CD6: variants seen among roughly 807,000 people sequenced by gnomAD.
CD6 encodes the protein CD6 molecule.
Under a neutral mutation model 75.3 loss-of-function variants are expected in CD6, and 53 were observed. The ratio of observed to expected loss-of-function variants is 0.70; its 90% CI spans 0.56 to 0.88. CD6 has a LOEUF of 0.88. Ranked by LOEUF, CD6 falls within the 40% of genes least tolerant of loss-of-function variation. The probability of loss-of-function intolerance (pLI) is 0.00; values close to 1 mark genes in which losing one functional copy is unlikely to be tolerated. For missense variants in CD6, 770 were observed against 897.1 expected (o/e 0.86, Z 1.81); for synonymous variants, 359 against 381.5 (o/e 0.94, Z 0.69).
chr11:61,004,910 G>A (rs913418621), intron 1 of CD6, among the ~76,000 whole-genome samples: 2 of 152,194 alleles, frequency 1.3e-5, no homozygotes, highest in Admixed American at 1.3e-4. Context: ...TCAAAAGCAG[G>A]CAGACGTCTT....
intron 1 of CD6, among the ~76,000 whole-genome samples, chr11:60,996,490 T>A (rs776417829): frequency 6.6e-6 from 1 of 152,186 alleles, no homozygotes; most frequent in Non-Finnish European, 1.5e-5. Flanking sequence ...TCCGGACAGC[T>A]CCCTGAACCA....
At chr11:60,974,663 G>T (rs1026861588) in intron 1 of CD6, among the ~76,000 whole-genome samples, 1 of 152,194 alleles carries the variant, frequency 6.6e-6, no homozygotes, top group Non-Finnish European at 1.5e-5. Flanking sequence ...AGAGATTCAA[G>T]CCTCCAGTTC....
At chr11:61,010,768 A>G (rs1232657488) in intron 5 of CD6, among the ~76,000 whole-genome samples, 1 of 152,226 alleles carries the variant, frequency 6.6e-6, no homozygotes, top group Non-Finnish European at 1.5e-5. Flanking sequence ...ATTAAGAACA[A>G]ACTGAAACTG....
chr11:60,977,040 G>T lies in CD6; in HGVS notation c.49+5126G>T, dbSNP rs148187533. ...GATGACAGTTAGCGTGGCCTTCACC[G>T]TATTGGGGCCATGGAACGGGGTAGC... On this transcript the variant is annotated intron_variant, in intron 1 of 12. Transcript: ENST00000313421. Among the ~76,000 whole-genome samples, 364 of 152,228 alleles carry T rather than the reference G, an allele frequency of 2.4e-3. 1 individual carries two copies. The highest frequency in any genetic ancestry group is 3.4e-3 in the Middle Eastern group (1 of 294).
intron 1 of CD6, among the ~76,000 whole-genome samples, chr11:60,990,012 G>T (rs1345477314): frequency 6.6e-6 from 1 of 151,752 alleles, no homozygotes; most frequent in Non-Finnish European, 1.5e-5. Flanking sequence ...AAATTTTTTT[G>T]TTTTTATTTT....
chr11:60,978,948 A>G (rs181631030), intron 1 of CD6, among the ~76,000 whole-genome samples: 1 of 152,358 alleles, frequency 6.6e-6, no homozygotes, highest in East Asian at 1.9e-4. Flanking sequence ...GACCAAAGAT[A>G]ATCCCTTGCC....
intron 1 of CD6, among the ~76,000 whole-genome samples, chr11:61,003,598 G>A (rs1337680886): frequency 6.6e-5 from 10 of 152,242 alleles, no homozygotes; most frequent in South Asian, 2.1e-4. Context: ...AGCCAGCATC[G>A]TGGCAAGCGC....
intron 1 of CD6, among the ~76,000 whole-genome samples, chr11:60,973,926 G>A (rs797000310): frequency 3.9e-5 from 6 of 152,258 alleles, no homozygotes; most frequent in African/African-American, 1.4e-4. Flanking sequence ...GCTGATGCAA[G>A]GGACACTGAG....
intron 8 of CD6, 143 bp downstream of exon 8, chr11:61,014,157 C>G: frequency 1.7e-6 from 1 of 602,668 alleles, no homozygotes. Context: ...GCCCTGGGAC[C>G]TTGAGCAGGC....
intron 1 of CD6, among the ~76,000 whole-genome samples, chr11:60,980,988 G>A (rs1341762585): frequency 1.3e-5 from 2 of 152,168 alleles, no homozygotes; most frequent in Non-Finnish European, 2.9e-5. Context: ...AGGCAGGACT[G>A]AAATTCCCAA....
rs756242912 is a variant in CD6, at chr11:61,009,892, AC to A, written c.1084+25del. ...CTGCTCAGGTACCCCATCCTACTCC[AC>A]CCCCCCAGATTTGAGCCAGAATTCT... On this transcript the variant is annotated intron_variant, in intron 5 of 12. Coordinates refer to ENST00000313421, the MANE Select transcript of CD6 (RefSeq NM_006725.5). 26 of 1,512,686 alleles carry A rather than the reference AC, an allele frequency of 1.7e-5. No homozygotes were observed. The highest frequency in any genetic ancestry group is 1.1e-4 in the Admixed American group (5 of 45,796). 93.7% of individuals were successfully genotyped at this position (1,512,686 alleles called of 1,614,324 possible).
intron 1 of CD6, among the ~76,000 whole-genome samples, chr11:60,975,141 C>A (rs1857318920): frequency 6.6e-6 from 1 of 150,748 alleles, no homozygotes; most frequent in Admixed American, 6.6e-5. Flanking sequence ...ATTTTATAAG[C>A]CCTGTAATTT....
intron 1 of CD6, among the ~76,000 whole-genome samples, chr11:61,002,954 CTCTTT>C (rs10657791): frequency 0.16 from 24,491 of 151,058 alleles, 2,285 homozygotes; most frequent in African/African-American, 0.26. Flanking sequence ...ACCTAATCAA[CTCTTT>C]TCTTTTCTTT....
chr11:61,010,703 G>A (rs903676225), intron 5 of CD6, among the ~76,000 whole-genome samples: 3 of 152,122 alleles, frequency 2.0e-5, no homozygotes, highest in Non-Finnish European at 4.4e-5. Context: ...CCTGCCCAAC[G>A]GGAATGCCGA....
chr11:61,019,334 G>A lies in CD6; in HGVS notation c.*16G>A, dbSNP rs1859570165. On this transcript the variant is annotated 3_prime_UTR_variant, in exon 13 of 13. Coordinates refer to ENST00000313421, the MANE Select transcript of CD6 (RefSeq NM_006725.5). Reference sequence around the variant, plus strand: ...CGCAGCCTAGGCCGGGGCCAGCCGAGGCTCCTGGGGTGGCTCTGACCCTCT... The same window carrying A: ...CGCAGCCTAGGCCGGGGCCAGCCGAAGCTCCTGGGGTGGCTCTGACCCTCT... The A allele has an allele frequency of 1.2e-6, 2 of 1,602,080 alleles. No individual in the cohort carries two copies. Among genetic ancestry groups the A allele is most frequent in the Non-Finnish European group, 1.7e-6 (2 of 1,177,638 alleles).
intron 1 of CD6, among the ~76,000 whole-genome samples, chr11:60,981,452 C>A (rs988399243): frequency 3.3e-5 from 5 of 152,230 alleles, no homozygotes; most frequent in Admixed American, 6.5e-5. Context: ...TCACCTCACC[C>A]ACCATCAGCT....
intron 1 of CD6, among the ~76,000 whole-genome samples, chr11:61,003,245 G>A (rs570798039): frequency 3.3e-5 from 5 of 152,166 alleles, no homozygotes; most frequent in Admixed American, 6.5e-5. Context: ...GCTTACAGGC[G>A]TGAGCCACCA....
chr11:61,001,135 T>C (rs1177276425), intron 1 of CD6, among the ~76,000 whole-genome samples: 1 of 152,034 alleles, frequency 6.6e-6, no homozygotes, highest in Non-Finnish European at 1.5e-5. Flanking sequence ...GTTTAAATAA[T>C]TATTATTTTT....
At chr11:60,980,395 C>T (rs1285460015) in intron 1 of CD6, among the ~76,000 whole-genome samples, 1 of 151,870 alleles carries the variant, frequency 6.6e-6, no homozygotes, top group Non-Finnish European at 1.5e-5. Context: ...CCCAGCTACT[C>T]GGGAGGCTGA....
Sources: gnomAD v4.1 joint callset for allele counts (sites outside exome capture counted in the v4.1 genomes callset) on GRCh38, gnomAD v4.1.1 for gene constraint, MANE v1.5 for transcripts, NCBI Gene and HGNC (gene_info 2026-07-23, HGNC 2026-07-21) for gene names.